GRM1: variants seen among roughly 807,000 people sequenced by gnomAD.
The protein encoded by GRM1 is metabotropic glutamate receptor 1.
Under a neutral mutation model 90.9 loss-of-function variants are expected in GRM1, and 33 were observed. The observed-to-expected ratio is 0.36, with a 90% CI of 0.28 to 0.49. The LOEUF (loss-of-function observed/expected upper bound fraction) is 0.49, where lower values mean the gene tolerates loss of function less well. Among genes scored for constraint, GRM1 ranks in the 20% least tolerant of loss-of-function variants. The probability of loss-of-function intolerance (pLI) is 0.99; values close to 1 mark genes in which losing one functional copy is unlikely to be tolerated. For missense variants in GRM1, 1,190 were observed against 1,534.3 expected (o/e 0.78, Z 3.75); for synonymous variants, 700 against 613.2 (o/e 1.14, Z -2.09).
At chr6:146,175,733 A>C (rs1438845595) in intron 2 of GRM1, among the ~76,000 whole-genome samples, 2 of 152,126 alleles carry the variant, frequency 1.3e-5, no homozygotes, top group Non-Finnish European at 2.9e-5. Context: ...CTTCATGCAC[A>C]ATTCATATGG....
intron 2 of GRM1, among the ~76,000 whole-genome samples, chr6:146,184,980 A>T (rs1778677257): frequency 6.6e-6 from 1 of 152,232 alleles, no homozygotes; most frequent in Non-Finnish European, 1.5e-5. Flanking sequence ...AACCAGAAAT[A>T]TTCATTCTCC....
At chr6:146,093,932 TATC>T (rs1438721073) in intron 1 of GRM1, among the ~76,000 whole-genome samples, 1 of 152,110 alleles carries the variant, frequency 6.6e-6, no homozygotes, top group African/African-American at 2.4e-5. Flanking sequence ...TCAGAGTTCA[TATC>T]ATATCAGGCC....
intron 2 of GRM1, among the ~76,000 whole-genome samples, chr6:146,190,083 T>C (rs1324955653): frequency 6.6e-6 from 1 of 152,128 alleles, no homozygotes; most frequent in Non-Finnish European, 1.5e-5. Context: ...TGACCTTGGA[T>C]TCAATTGAAG....
intron 2 of GRM1, among the ~76,000 whole-genome samples, chr6:146,189,828 T>G (rs1438832467): frequency 2.0e-5 from 3 of 152,204 alleles, no homozygotes; most frequent in Non-Finnish European, 4.4e-5. Flanking sequence ...GCATAAATCT[T>G]TCTTCTGCTA....
intron 2 of GRM1, among the ~76,000 whole-genome samples, chr6:146,194,524 C>CT (rs1779051154): frequency 6.6e-6 from 1 of 152,154 alleles, no homozygotes; most frequent in Non-Finnish European, 1.5e-5. Flanking sequence ...ATAAGAGTTT[C>CT]TTTTTTTACA....
At chr6:146,397,484 GAAAAAAAA>G (rs577471775) in intron 6 of GRM1, among the ~76,000 whole-genome samples, 2 of 45,032 alleles carry the variant, frequency 4.4e-5, no homozygotes, top group African/African-American at 7.2e-5. Flanking sequence ...AAAAAAAAAA[GAAAAAAAA>G]AAAAAAAAAA....
intron 2 of GRM1, among the ~76,000 whole-genome samples, chr6:146,162,974 C>T (rs1777789408): frequency 6.6e-6 from 1 of 152,008 alleles, no homozygotes; most frequent in African/African-American, 2.4e-5. Context: ...AACATTTTTC[C>T]AGTCCTAGAA....
At chr6:146,198,833 C>T (rs137855479) in intron 2 of GRM1, among the ~76,000 whole-genome samples, 66 of 152,278 alleles carry the variant, frequency 4.3e-4, no homozygotes, top group African/African-American at 1.6e-3. Flanking sequence ...GGAACCCAGC[C>T]AATTCCTCAG....
At chr6:146,352,518 C>G (rs377583330) in intron 4 of GRM1, 22 bp downstream of exon 4, 4 of 1,611,914 alleles carry the variant, frequency 2.5e-6, no homozygotes, top group Non-Finnish European at 3.4e-6. Flanking sequence ...AGTAATCAAT[C>G]TAAGTAACCT....
intron 3 of GRM1, among the ~76,000 whole-genome samples, chr6:146,340,045 G>C (rs1784913780): frequency 6.6e-6 from 1 of 152,196 alleles, no homozygotes. Flanking sequence ...TGGTGACTAT[G>C]ACTCAGCAGT....
chr6:146,241,442 G>C (rs1780857706), intron 2 of GRM1, among the ~76,000 whole-genome samples: 4 of 151,992 alleles, frequency 2.6e-5, no homozygotes, highest in Admixed American at 2.0e-4. Flanking sequence ...TGAAGATCTT[G>C]GTATTCTTTT....
chr6:146,066,546 G>A (rs1775854111), intron 1 of GRM1, among the ~76,000 whole-genome samples: 1 of 152,132 alleles, frequency 6.6e-6, no homozygotes, highest in East Asian at 1.9e-4. Context: ...TGGTCGAACA[G>A]TTTATTTTCT....
At chr6:146,360,524 C>CA (rs1425244417) in intron 5 of GRM1, among the ~76,000 whole-genome samples, 1 of 152,070 alleles carries the variant, frequency 6.6e-6, no homozygotes, top group Non-Finnish European at 1.5e-5. Flanking sequence ...GGTACTGAGG[C>CA]AACTCAAAGG....
chr6:146,270,485 A>G (rs148840215), intron 2 of GRM1, among the ~76,000 whole-genome samples: 53 of 152,252 alleles, frequency 3.5e-4, no homozygotes, highest in African/African-American at 1.2e-3. Context: ...TAATGTTTAT[A>G]GGGAAGGCTT....
At chr6:146,164,419 TATG>T (rs1449825326) in intron 2 of GRM1, among the ~76,000 whole-genome samples, 1 of 152,140 alleles carries the variant, frequency 6.6e-6, no homozygotes, top group African/African-American at 2.4e-5. Flanking sequence ...AGTGTTTTGG[TATG>T]ATAACTTTTT....
At chr6:146,163,327 T>TCACTATAATAA (rs1401531009) in intron 2 of GRM1, among the ~76,000 whole-genome samples, 1 of 152,200 alleles carries the variant, frequency 6.6e-6, no homozygotes, top group East Asian at 1.9e-4. Flanking sequence ...AGAATTATGC[T>TCACTATAATAA]CACTATAATA....
At chr6:146,096,389 T>G (rs1776874790) in intron 1 of GRM1, among the ~76,000 whole-genome samples, 1 of 152,112 alleles carries the variant, frequency 6.6e-6, no homozygotes, top group Non-Finnish European at 1.5e-5. Context: ...GGAAGGGACT[T>G]GCTAAAGGTC....
At chr6:146,063,970 C>A (rs1194635715) in intron 1 of GRM1, among the ~76,000 whole-genome samples, 1 of 152,150 alleles carries the variant, frequency 6.6e-6, no homozygotes, top group Non-Finnish European at 1.5e-5. Context: ...ATTTTGGATT[C>A]ATTTGCATTA....
In GRM1 at chr6:146,176,789, A is replaced by C. The variant is rs148448011; in HGVS notation, c.950+17192A>C. On this transcript the variant is annotated intron_variant, in intron 2 of 7. Coordinates refer to ENST00000282753, the MANE Select transcript of GRM1 (RefSeq NM_001278064.2). ...AGGTTACTTCTCTAAATAAGCAATA[A>C]ATTACATCAGATAATTACTCATAGA... Among the ~76,000 whole-genome samples, 29 of 152,166 alleles carry C rather than the reference A, an allele frequency of 1.9e-4. No homozygotes were observed. In the East Asian group the frequency reaches 5.6e-3, roughly 29 times the overall value.
Sources: gnomAD v4.1 joint callset for allele counts (sites outside exome capture counted in the v4.1 genomes callset) on GRCh38, gnomAD v4.1.1 for gene constraint, MANE v1.5 for transcripts, NCBI Gene and HGNC (gene_info 2026-07-23, HGNC 2026-07-21) for gene names.